GLP2R: variants seen among roughly 807,000 people sequenced by gnomAD.
GLP2R encodes glucagon like peptide 2 receptor.
A neutral mutation model predicts 68.2 loss-of-function variants in GLP2R; 59 were observed. The observed-to-expected ratio is 0.87, with a 90% confidence interval of 0.70 to 1.07. The LOEUF is 1.07. Among genes scored for constraint, GLP2R ranks in the 50% least tolerant of loss-of-function variants. GLP2R has a pLI of 0.00. For missense variants in GLP2R, 548 were observed against 677.4 expected, an observed-to-expected ratio of 0.81 and a Z score of 2.12; for synonymous variants, 270 against 265.4, an observed-to-expected ratio of 1.02 and a Z score of -0.17.
Position 9,889,679 on chromosome 17 carries a change from GA to G in GLP2R, c.1637del (p.Glu546GlyfsTer23), listed in dbSNP as rs778184615. The G allele has an allele frequency of 1.3e-6, 2 of 1,586,146 alleles. No individual in the cohort carries two copies. The highest frequency in any genetic ancestry group is 2.3e-5 in the South Asian group (2 of 88,856). ...TGTCACCATGGCCAACACCATGGAGGAGATTCTGGAAGAGAGTGAGATCTAG... is the reference window on the plus strand; with the variant it reads ...TGTCACCATGGCCAACACCATGGAGGGATTCTGGAAGAGAGTGAGATCTAG... ...GDVTMANTME[E>X]ILEESEI is the part of the protein sequence containing the mutation. On this transcript the variant is annotated frameshift_variant, in exon 13 of 13. Coordinates refer to ENST00000262441, the MANE Select transcript of GLP2R (RefSeq NM_004246.3). LOFTEE classifies it high-confidence loss of function.
chr17:9,874,765 T>C (rs970384501), intron 10 of GLP2R, among the ~76,000 whole-genome samples: 1 of 152,144 alleles, frequency 6.6e-6, no homozygotes, highest in African/African-American at 2.4e-5. Context: ...CTCCCAAAAT[T>C]TCCTAATCCG....
At chr17:9,831,613 G>A (rs796914614) in intron 1 of GLP2R, among the ~76,000 whole-genome samples, 1 of 152,192 alleles carries the variant, frequency 6.6e-6, no homozygotes, top group Non-Finnish European at 1.5e-5. Flanking sequence ...GTGCCAATGG[G>A]AAGTGCAAGG....
intron 1 of GLP2R, among the ~76,000 whole-genome samples, chr17:9,830,998 C>T (rs928963988): frequency 6.6e-6 from 1 of 152,182 alleles, no homozygotes; most frequent in African/African-American, 2.4e-5. Context: ...TTAGATATAT[C>T]TTTTGGCCTA....
intron 9 of GLP2R, among the ~76,000 whole-genome samples, chr17:9,868,518 G>A (rs2067061886): frequency 6.6e-6 from 1 of 152,192 alleles, no homozygotes; most frequent in Non-Finnish European, 1.5e-5. Flanking sequence ...CAAAATCCTG[G>A]AGGAGTTGGC....
intron 1 of GLP2R, among the ~76,000 whole-genome samples, chr17:9,831,318 G>C (rs1050482832): frequency 6.6e-6 from 1 of 152,184 alleles, no homozygotes; most frequent in Non-Finnish European, 1.5e-5. Flanking sequence ...GGAAATGAAG[G>C]ACAGCAAGAG....
At chr17:9,873,609 AT>A (rs373169296) in intron 10 of GLP2R, among the ~76,000 whole-genome samples, 152 of 43,572 alleles carry the variant, frequency 3.5e-3, no homozygotes, top group African/African-American at 0.018. Context: ...GTGTTAGTTT[AT>A]TTTACATGGG....
intron 6 of GLP2R, 64 bp from the exon 7 acceptor site, chr17:9,859,878 C>T: frequency 2.4e-6 from 3 of 1,226,736 alleles, no homozygotes. Context: ...AGGCCCTTCT[C>T]CCCCGACTCG....
intron 6 of GLP2R, among the ~76,000 whole-genome samples, chr17:9,859,359 TTTTG>T (rs1215321033): frequency 1.3e-5 from 2 of 152,144 alleles, no homozygotes; most frequent in Non-Finnish European, 2.9e-5. Context: ...TTTTCTACAT[TTTTG>T]TTTGTCTAAA....
At chr17:9,876,110 C>T (rs987977182) in intron 10 of GLP2R, among the ~76,000 whole-genome samples, 8 of 152,154 alleles carry the variant, frequency 5.3e-5, no homozygotes, top group African/African-American at 1.4e-4. Flanking sequence ...CTCCCAACCT[C>T]GGGTGATTCG....
At chr17:9,870,638 T>G (rs1241469454) in intron 9 of GLP2R, 109 bp from the exon 10 acceptor site, 1 of 703,590 alleles carries the variant, frequency 1.4e-6, no homozygotes, top group African/African-American at 1.8e-5. Flanking sequence ...GAATTGCCCC[T>G]GGTTTACATT....
intron 4 of GLP2R, among the ~76,000 whole-genome samples, chr17:9,848,869 G>GTT (rs1567723726): frequency 7.2e-6 from 1 of 138,346 alleles, no homozygotes; most frequent in Non-Finnish European, 1.6e-5. Context: ...AAAGGAGATT[G>GTT]TGTGTGTGTG....
At chr17:9,837,731 G>C (rs1202827460) in intron 3 of GLP2R, among the ~76,000 whole-genome samples, 1 of 141,070 alleles carries the variant, frequency 7.1e-6, no homozygotes, top group Non-Finnish European at 1.5e-5. Flanking sequence ...TCTGAAAGAG[G>C]AGAGAGGTGA....
chr17:9,845,297 T>C (rs1165821762), intron 4 of GLP2R, among the ~76,000 whole-genome samples: 1 of 152,234 alleles, frequency 6.6e-6, no homozygotes, highest in African/African-American at 2.4e-5. Context: ...TAGTTGGAAT[T>C]CTTTAGCTCT....
chr17:9,862,829 C>T (rs564692836), intron 9 of GLP2R, among the ~76,000 whole-genome samples: 1 of 152,334 alleles, frequency 6.6e-6, no homozygotes, highest in East Asian at 1.9e-4. Context: ...GTGTTGTTCT[C>T]TGCCCACCCT....
chr17:9,837,263 C>A (rs1214154894), intron 3 of GLP2R, among the ~76,000 whole-genome samples: 3 of 152,172 alleles, frequency 2.0e-5, no homozygotes, highest in Non-Finnish European at 4.4e-5. Flanking sequence ...ACTGTCCCAG[C>A]CGCCCACTAC....
chr17:9,852,851 T>C, intron 4 of GLP2R: 1 of 381,188 alleles, frequency 2.6e-6, no homozygotes, highest in South Asian at 2.5e-5. Context: ...GCAGGAAGTT[T>C]TAATTTTTTC....
chr17:9,860,095 G>T lies in GLP2R; in HGVS notation c.919G>T (p.Gly307Cys). 6.2e-7 allele frequency: 1 copy of T among 1,601,538 alleles called. No individual in the cohort carries two copies. The highest frequency in any genetic ancestry group is 8.5e-7 in the Non-Finnish European group (1 of 1,173,310). ...GCTGTGGCCCAGATACCTGCTGTTG[G>T]GTTGGGGTGAGTGACCTGACCTTCA... ...RRLWPRYLLLGWAFPVLFVVP... is the reference protein window; with the variant it reads ...RRLWPRYLLLCWAFPVLFVVP... Residue 307 changes from glycine to cysteine, a missense_variant, in exon 7 of 13, where the codon GGT becomes TGT. Coordinates refer to ENST00000262441, the MANE Select transcript of GLP2R (RefSeq NM_004246.3).
intron 10 of GLP2R, among the ~76,000 whole-genome samples, chr17:9,877,646 T>C (rs1200577659): frequency 6.6e-6 from 1 of 151,956 alleles, no homozygotes; most frequent in African/African-American, 2.4e-5. Context: ...TCCCAGCACT[T>C]TGGGAGGCCG....
rs1336691708 is a variant in GLP2R, at chr17:9,890,290, G to A, written c.*585G>A. ...CTAGAAGCGCCCCCATGTGGCCATG[G>A]CAGGATGCTGCAAGAGACAGTCTGC... On this transcript the variant is annotated 3_prime_UTR_variant, in exon 13 of 13. Coordinates refer to ENST00000262441, the MANE Select transcript of GLP2R (RefSeq NM_004246.3). The A allele has an allele frequency of 1.5e-5, 5 of 331,796 alleles. No individual in the cohort carries two copies. The highest frequency in any genetic ancestry group is 2.9e-5 in the Non-Finnish European group (5 of 169,950). 20.6% of individuals were successfully genotyped at this position (331,796 alleles called of 1,614,324 possible).
Sources: gnomAD v4.1 joint callset for allele counts (sites outside exome capture counted in the v4.1 genomes callset) on GRCh38, gnomAD v4.1.1 for gene constraint, MANE v1.5 for transcripts, NCBI Gene and HGNC (gene_info 2026-07-23, HGNC 2026-07-21) for gene names.